GMDS: variants seen among roughly 807,000 people sequenced by gnomAD.
GMDS encodes GDP-mannose 4,6-dehydratase.
GMDS carries 20 observed loss-of-function variants against 49.9 expected under a neutral mutation model. That is an observed-to-expected ratio of 0.40 (90% CI 0.28 to 0.58). The LOEUF (loss-of-function observed/expected upper bound fraction) is 0.58. Among genes scored for constraint, GMDS ranks in the 20% least tolerant of loss-of-function variants. The probability of loss-of-function intolerance (pLI) is 0.42; values close to 1 mark genes in which losing one functional copy is unlikely to be tolerated. For synonymous variants in GMDS, 177 were observed against 178.6 expected (o/e 0.99, Z 0.07); for missense variants, 362 against 481.4 (o/e 0.75, Z 2.32).
At chr6:2,065,846 T>C (rs1036735438) in intron 4 of GMDS, among the ~76,000 whole-genome samples, 9 of 152,204 alleles carry the variant, frequency 5.9e-5, no homozygotes, top group African/African-American at 1.7e-4. Context: ...GAAAACACTC[T>C]GCAGGATATT....
chr6:2,009,986 G>T (rs1342337225), intron 4 of GMDS, among the ~76,000 whole-genome samples: 1 of 152,090 alleles, frequency 6.6e-6, no homozygotes, highest in African/African-American at 2.4e-5. Flanking sequence ...TAATCCTTCT[G>T]ATCCAAGAAA....
chr6:2,179,937 A>G (rs1381759155), intron 1 of GMDS, among the ~76,000 whole-genome samples: 1 of 143,096 alleles, frequency 7.0e-6, no homozygotes, highest in Admixed American at 7.5e-5. Flanking sequence ...ACTTAAGGTG[A>G]TACACCCATC....
intron 7 of GMDS, among the ~76,000 whole-genome samples, chr6:1,824,808 T>C (rs1314302756): frequency 6.6e-6 from 1 of 152,246 alleles, no homozygotes; most frequent in African/African-American, 2.4e-5. Context: ...TTTTTAGCTG[T>C]TATTTTAATA....
chr6:2,177,846 C>T (rs775200493), intron 1 of GMDS, among the ~76,000 whole-genome samples: 5 of 152,052 alleles, frequency 3.3e-5, no homozygotes, highest in Admixed American at 3.3e-4. Flanking sequence ...GAATATTCAC[C>T]GCAGCATTAT....
At chr6:2,120,078 A>T (rs1775057128) in intron 2 of GMDS, among the ~76,000 whole-genome samples, 1 of 152,222 alleles carries the variant, frequency 6.6e-6, no homozygotes, top group Non-Finnish European at 1.5e-5. Flanking sequence ...AATGTCACTC[A>T]CCTTTTGAAA....
At chr6:1,760,763 C>T (rs748976469) in intron 7 of GMDS, among the ~76,000 whole-genome samples, 1 of 152,202 alleles carries the variant, frequency 6.6e-6, no homozygotes, top group Non-Finnish European at 1.5e-5. Flanking sequence ...GAAAAACATG[C>T]TGAATATAAT....
intron 4 of GMDS, among the ~76,000 whole-genome samples, chr6:1,973,075 T>C (rs1764707959): frequency 6.6e-6 from 1 of 152,220 alleles, no homozygotes; most frequent in Admixed American, 6.5e-5. Flanking sequence ...TAAATCTCTC[T>C]TACCACCTAT....
intron 7 of GMDS, among the ~76,000 whole-genome samples, chr6:1,846,080 C>CT (rs11298909): frequency 0.027 from 3,223 of 121,622 alleles, 104 homozygotes; most frequent in African/African-American, 0.076. Flanking sequence ...CACCATGTTT[C>CT]TTTTTTTTTT....
chr6:2,208,254 G>A (rs555408458), intron 1 of GMDS, among the ~76,000 whole-genome samples: 2 of 152,270 alleles, frequency 1.3e-5, no homozygotes, highest in Non-Finnish European at 2.9e-5. Flanking sequence ...AACTGCTGCT[G>A]GAGCAGTTTA....
At chr6:2,202,312 A>G (rs1779582696) in intron 1 of GMDS, among the ~76,000 whole-genome samples, 1 of 150,640 alleles carries the variant, frequency 6.6e-6, no homozygotes, top group Non-Finnish European at 1.5e-5. Flanking sequence ...CAGAGAGGCG[A>G]AGGATGAAGA....
intron 7 of GMDS, among the ~76,000 whole-genome samples, chr6:1,920,361 A>G (rs1761654407): frequency 6.6e-6 from 1 of 152,346 alleles, no homozygotes; most frequent in Admixed American, 6.5e-5. Context: ...ATTTCCTGCA[A>G]TAAAGGTGCT....
chr6:1,738,989 A>G (rs769915084), intron 8 of GMDS, among the ~76,000 whole-genome samples: 47 of 152,220 alleles, frequency 3.1e-4, no homozygotes, highest in Admixed American at 7.2e-4. Flanking sequence ...CTTTCTGGAT[A>G]AGCTGGCTTT....
At chr6:1,955,712 G>A (rs528798339) in intron 6 of GMDS, among the ~76,000 whole-genome samples, 1 of 151,242 alleles carries the variant, frequency 6.6e-6, no homozygotes, top group African/African-American at 2.4e-5. Flanking sequence ...TGTATTACAC[G>A]GTTCTCAAAA....
intron 4 of GMDS, among the ~76,000 whole-genome samples, chr6:2,076,844 C>G (rs935010223): frequency 8.5e-5 from 13 of 152,148 alleles, no homozygotes; most frequent in African/African-American, 1.7e-4. Flanking sequence ...TCAGGACATA[C>G]GCATGGGCAA....
chr6:1,663,167 C>CA (rs1764133854), intron 9 of GMDS, among the ~76,000 whole-genome samples: 2 of 152,172 alleles, frequency 1.3e-5, no homozygotes, highest in African/African-American at 4.8e-5. Context: ...TGTCTTATGG[C>CA]TTTTCTAGAA....
At chr6:2,022,460 A>G (rs1053713666) in intron 4 of GMDS, among the ~76,000 whole-genome samples, 3 of 152,196 alleles carry the variant, frequency 2.0e-5, no homozygotes, top group Non-Finnish European at 4.4e-5. Flanking sequence ...GATGCTACAA[A>G]ATATTTAAAA....
chr6:2,016,917 G>A (rs1024217740), intron 4 of GMDS, among the ~76,000 whole-genome samples: 17 of 151,992 alleles, frequency 1.1e-4, no homozygotes, highest in Non-Finnish European at 2.1e-4. Context: ...GTGCTGGGAG[G>A]CTAATTATGG....
intron 10 of GMDS, 24 bp from the exon 11 acceptor site, chr6:1,624,255 G>C (rs771799841): frequency 5.6e-5 from 90 of 1,606,938 alleles, no homozygotes; most frequent in Middle Eastern, 1.6e-4. Context: ...GTGGGCGTGA[G>C]GGAGGAGCTT....
chr6:1,859,946 C>T (rs1353773717), intron 7 of GMDS, among the ~76,000 whole-genome samples: 2 of 152,134 alleles, frequency 1.3e-5, no homozygotes. Flanking sequence ...GAAAATCTTA[C>T]TTTAATATGA....
Sources: allele counts gnomAD v4.1 joint callset (sites outside exome capture counted in the v4.1 genomes callset), GRCh38; gene constraint gnomAD v4.1.1; transcripts MANE v1.5; gene names NCBI Gene and HGNC (gene_info 2026-07-23, HGNC 2026-07-21).